GALNT16: variants seen among roughly 807,000 people sequenced by gnomAD.
GALNT16 encodes UDP-GalNAc:polypeptide N-acetylgalactosaminyltransferase-like protein 1.
In GALNT16, 40 loss-of-function variants were observed where a neutral mutation model predicts 76.1. The ratio of observed to expected loss-of-function variants is 0.53; its 90% CI spans 0.41 to 0.68. The LOEUF (loss-of-function observed/expected upper bound fraction) is 0.68, where lower values mean the gene tolerates loss of function less well. Ranked by LOEUF, GALNT16 falls within the 30% of genes least tolerant of loss-of-function variation. The probability of loss-of-function intolerance (pLI) is 0.00; values close to 1 mark genes in which losing one functional copy is unlikely to be tolerated. For missense variants in GALNT16, 621 were observed against 731.9 expected, an observed-to-expected ratio of 0.85 and a Z score of 1.75; for synonymous variants, 276 against 285.2, an observed-to-expected ratio of 0.97 and a Z score of 0.32.
chr14:69,371,715 G>A, the GALNT16 span, among the ~76,000 whole-genome samples: 1 of 151,944 alleles, frequency 6.6e-6, no homozygotes, highest in African/African-American at 2.4e-5. Flanking sequence ...GGAGGCTGAG[G>A]TGGGTGGATC....
At chr14:69,290,957 C>T (rs368861625) in intron 1 of GALNT16, among the ~76,000 whole-genome samples, 7 of 152,272 alleles carry the variant, frequency 4.6e-5, no homozygotes, top group South Asian at 4.1e-4. Context: ...TGCGGCAGCC[C>T]GCCGGCCAGG....
At chr14:69,377,848 A>C in the GALNT16 span, among the ~76,000 whole-genome samples, 1 of 151,096 alleles carries the variant, frequency 6.6e-6, no homozygotes, top group Non-Finnish European at 1.5e-5. Context: ...ACATGAACAT[A>C]AAAGTATCCT....
chr14:69,350,285 C>A (rs77116452), intron 14 of GALNT16: 11,907 of 152,234 alleles, frequency 0.078, 527 homozygotes, highest in Middle Eastern at 0.12. Flanking sequence ...CAAGGATGAA[C>A]GGACATGGTC....
chr14:69,327,242 C>G (rs1459967312), intron 5 of GALNT16, among the ~76,000 whole-genome samples: 1 of 152,130 alleles, frequency 6.6e-6, no homozygotes, highest in Non-Finnish European at 1.5e-5. Flanking sequence ...CCCAACTACT[C>G]AGGAGGCTGA....
chr14:69,322,925 G>GGTGTGTGTGTGTGTGT (rs766188989), intron 2 of GALNT16, among the ~76,000 whole-genome samples: 18 of 103,778 alleles, frequency 1.7e-4, no homozygotes, highest in African/African-American at 3.9e-4. Context: ...TGGCTCACGG[G>GGTGTGTGTGTGTGTGT]GTGTGTGTGT....
In GALNT16 at chr14:69,353,374, G is replaced by A. The variant is rs954325815; in HGVS notation, c.*1206G>A. The stretch of plus-strand genomic sequence containing the variant: ...GGTCAGCTATTGCACTGTGCTGGGA[G>A]GCTGGCTGTGGCTCCTGTTTGTGAA... On this transcript the variant is annotated 3_prime_UTR_variant, in exon 15 of 15. Transcript: ENST00000448469. 1 of 152,306 alleles carries A rather than the reference G, an allele frequency of 6.6e-6. No homozygotes were observed. The highest frequency in any genetic ancestry group is 1.5e-5 in the Non-Finnish European group (1 of 68,154). 9.4% of individuals were successfully genotyped at this position (152,306 alleles called of 1,614,324 possible).
intron 1 of GALNT16, among the ~76,000 whole-genome samples, chr14:69,310,382 T>A (rs936593139): frequency 1.3e-5 from 2 of 152,052 alleles, no homozygotes; most frequent in African/African-American, 4.8e-5. Flanking sequence ...TTGATCAGAG[T>A]TGCATTAAAT....
At chr14:69,336,483 G>A (rs1275679) in intron 9 of GALNT16, among the ~76,000 whole-genome samples, 59,378 of 151,914 alleles carry the variant, frequency 0.39, 12,333 homozygotes, top group Non-Finnish European at 0.47. Context: ...TCCTCTGCCC[G>A]GAATGCTCTT....
chr14:69,347,928 G>C lies in GALNT16; in HGVS notation c.1465G>C (p.Ala489Pro). ...CCAGCAGCAGGGGAAGTGCCTGGCT[G>C]CCACCTCCACCTTAATGTCCTCCCC... Reference protein sequence around the residue: ...LIQQQGKCLAATSTLMSSPGS... With the variant: ...LIQQQGKCLAPTSTLMSSPGS... Residue 489 changes from alanine to proline, a missense_variant, in exon 14 of 15, where the codon GCC (alanine) becomes CCC (proline). Physicochemically the swap from Ala to Pro is conservative, Grantham distance 27. Coordinates refer to ENST00000448469, the MANE Select transcript of GALNT16 (RefSeq NM_001168368.2). 1 of 1,614,034 alleles carries C rather than the reference G, an allele frequency of 6.2e-7. No individual in the cohort carries two copies.
At chr14:69,301,508 C>T (rs764054942) in intron 1 of GALNT16, among the ~76,000 whole-genome samples, 32 of 152,004 alleles carry the variant, frequency 2.1e-4, no homozygotes, top group African/African-American at 3.1e-4. Context: ...TGCATGCCAC[C>T]GCACCTGGCT....
chr14:69,280,805 C>T (rs1159938291), intron 1 of GALNT16, among the ~76,000 whole-genome samples: 1 of 152,074 alleles, frequency 6.6e-6, no homozygotes, highest in Non-Finnish European at 1.5e-5. Flanking sequence ...AGGGCAACTC[C>T]AGGGCCCAAA....
chr14:69,357,775 G>T (rs1184796214), downstream of GALNT16: 1 of 152,270 alleles, frequency 6.6e-6, no homozygotes, highest in Non-Finnish European at 1.5e-5. Context: ...AGTATCCCTG[G>T]AGGGATTGTA....
intron 12 of GALNT16, 73 bp downstream of exon 12, chr14:69,341,837 C>A: frequency 1.1e-6 from 1 of 929,016 alleles, no homozygotes; most frequent in Non-Finnish European, 1.7e-6. Context: ...TTTGGTCCCA[C>A]CCCACCCTTA....
chr14:69,358,766 G>C (rs577054146), downstream of GALNT16: 4 of 152,422 alleles, frequency 2.6e-5, no homozygotes, highest in African/African-American at 9.6e-5. Flanking sequence ...AAAGACGGTG[G>C]AATGCTCTCA....
the GALNT16 span, among the ~76,000 whole-genome samples, chr14:69,373,077 G>C: frequency 6.6e-6 from 1 of 152,190 alleles, no homozygotes; most frequent in Admixed American, 6.6e-5. Flanking sequence ...GCATTGCAGG[G>C]CAAGGACCCA....
At chr14:69,383,675 G>A in the GALNT16 span, among the ~76,000 whole-genome samples, 1 of 152,070 alleles carries the variant, frequency 6.6e-6, no homozygotes, top group Non-Finnish European at 1.5e-5. Flanking sequence ...TTAACACTCT[G>A]AAACTACTAA....
At chr14:69,317,779 T>G (rs935125056) in intron 1 of GALNT16, among the ~76,000 whole-genome samples, 6 of 152,136 alleles carry the variant, frequency 3.9e-5, no homozygotes, top group African/African-American at 1.2e-4. Flanking sequence ...GATGCCAAGT[T>G]AGGGGCACCC....
intron 1 of GALNT16, among the ~76,000 whole-genome samples, chr14:69,277,813 T>C (rs2044492992): frequency 6.6e-6 from 1 of 152,250 alleles, no homozygotes; most frequent in Non-Finnish European, 1.5e-5. Context: ...TCTTCCACAA[T>C]GGTTGAACTA....
At chr14:69,336,816 C>T (rs147345848) in intron 9 of GALNT16, among the ~76,000 whole-genome samples, 5,988 of 152,044 alleles carry the variant, frequency 0.039, 152 homozygotes, top group Non-Finnish European at 0.051. Context: ...AAACCTCTGC[C>T]TCCCGGGTTC....
Sources: allele counts gnomAD v4.1 joint callset (sites outside exome capture counted in the v4.1 genomes callset), GRCh38; gene constraint gnomAD v4.1.1; transcripts MANE v1.5; gene names NCBI Gene and HGNC (gene_info 2026-07-23, HGNC 2026-07-21).